Variants in PKP4 observed in about 807,000 individuals in gnomAD.
PKP4 encodes the protein plakophilin-4.
PKP4 carries 90 observed loss-of-function variants against 145.1 expected under a neutral mutation model. That is an observed-to-expected ratio of 0.62 (90% CI 0.52 to 0.74). The LOEUF is 0.74. Ranked by LOEUF, PKP4 falls within the 30% of genes least tolerant of loss-of-function variation. The pLI, the probability that PKP4 is intolerant of heterozygous loss-of-function variation, is 0.00. For missense variants in PKP4, 1,340 were observed against 1,482.7 expected (o/e 0.90, Z 1.58); for synonymous variants, 563 against 577.2 (o/e 0.98, Z 0.35).
intron 9 of PKP4, among the ~76,000 whole-genome samples, chr2:158,640,206 G>A (rs150946017): frequency 2.9e-4 from 44 of 152,266 alleles, no homozygotes; most frequent in African/African-American, 1.0e-3. Context: ...CTAGGCTGAC[G>A]CCAGCCCTGT....
At chr2:158,510,878 C>T (rs994765254) in intron 1 of PKP4, among the ~76,000 whole-genome samples, 5 of 152,232 alleles carry the variant, frequency 3.3e-5, no homozygotes, top group Non-Finnish European at 5.9e-5. Flanking sequence ...TCCAAATTTA[C>T]ACCTAGATTT....
At chr2:158,529,573 A>G (rs1559279377) in intron 1 of PKP4, among the ~76,000 whole-genome samples, 1 of 152,188 alleles carries the variant, frequency 6.6e-6, no homozygotes, top group Non-Finnish European at 1.5e-5. Context: ...TTATGTCCCA[A>G]GGAGCCTGAA....
intron 1 of PKP4, among the ~76,000 whole-genome samples, chr2:158,473,031 C>G (rs916069154): frequency 6.6e-6 from 1 of 152,248 alleles, no homozygotes; most frequent in African/African-American, 2.4e-5. Context: ...AAAGGACATC[C>G]ATGTGGTCAA....
chr2:158,491,649 CTT>C (rs1340676053), intron 1 of PKP4, among the ~76,000 whole-genome samples: 1 of 151,926 alleles, frequency 6.6e-6, no homozygotes, highest in African/African-American at 2.4e-5. Context: ...TGTCTGTAAA[CTT>C]TATTGAACAG....
At chr2:158,614,817 A>T (rs180999214) in intron 4 of PKP4, among the ~76,000 whole-genome samples, 1 of 152,166 alleles carries the variant, frequency 6.6e-6, no homozygotes, top group Non-Finnish European at 1.5e-5. Context: ...ATGTGCTACT[A>T]TCTAAAATAA....
intron 2 of PKP4, among the ~76,000 whole-genome samples, chr2:158,543,553 G>T (rs1392643318): frequency 6.6e-6 from 1 of 152,176 alleles, no homozygotes; most frequent in Non-Finnish European, 1.5e-5. Flanking sequence ...AGAAAAGTGT[G>T]TGCTCTGTAT....
At chr2:158,484,925 G>A (rs1474930631) in intron 1 of PKP4, among the ~76,000 whole-genome samples, 2 of 152,200 alleles carry the variant, frequency 1.3e-5, no homozygotes, top group South Asian at 2.1e-4. Context: ...AATGGTACAG[G>A]ATTTTGTTAC....
intron 2 of PKP4, among the ~76,000 whole-genome samples, chr2:158,564,801 T>C (rs1366822427): frequency 6.6e-6 from 1 of 152,250 alleles, no homozygotes; most frequent in Non-Finnish European, 1.5e-5. Flanking sequence ...TTGTTTTCTC[T>C]ACTTAACAAC....
chr2:158,644,970 C>A (rs2054689520), intron 11 of PKP4, among the ~76,000 whole-genome samples: 1 of 152,150 alleles, frequency 6.6e-6, no homozygotes, highest in Non-Finnish European at 1.5e-5. Context: ...CAGGTTTCCA[C>A]TGTGAAATCA....
chr2:158,677,073 A>C, intron 20 of PKP4: 2 of 621,558 alleles, frequency 3.2e-6, no homozygotes, highest in South Asian at 1.7e-5. Context: ...GTTTGTATGT[A>C]TGTATGTATG....
chr2:158,479,461 C>T (rs1360423000), intron 1 of PKP4, among the ~76,000 whole-genome samples: 3 of 152,076 alleles, frequency 2.0e-5, no homozygotes, highest in African/African-American at 4.8e-5. Context: ...TGGACTCAAG[C>T]GATCGGCCCG....
intron 11 of PKP4, among the ~76,000 whole-genome samples, chr2:158,646,021 G>C (rs2711070): frequency 0.45 from 67,835 of 152,028 alleles, 16,402 homozygotes; most frequent in South Asian, 0.66. Flanking sequence ...GATGTTTTAA[G>C]ACATGGACCT....
At chr2:158,673,635 C>G in intron 17 of PKP4, 42 bp from the exon 18 acceptor site, 1 of 1,415,790 alleles carries the variant, frequency 7.1e-7, no homozygotes, top group Non-Finnish European at 1.0e-6. Context: ...GGGGCTGAGG[C>G]TGTGTCACCC....
chr2:158,680,521 T>G lies in PKP4; in HGVS notation c.3423T>G (p.Asp1141Glu). The G allele has an allele frequency of 1.2e-6, 2 of 1,613,962 alleles. No individual in the cohort carries two copies. Among genetic ancestry groups the G allele is most frequent in the Non-Finnish European group, 1.7e-6 (2 of 1,179,824 alleles). The change falls in exon 22 of 22, where the codon GAT becomes GAG. Residue 1141 changes from aspartate to glutamate, a missense_variant. By Grantham distance (45) the Asp-to-Glu change is conservative. Transcript: ENST00000389759. ...TGCAGTCTCCTCATAGCTATGAAGA[T>G]CCTTATTTTGATGACCGAGTTCACT... ...LYLQSPHSYE[D>E]PYFDDRVHFP...
chr2:158,625,102 A>T lies in PKP4; in HGVS notation c.828A>T (p.Ser276=). 1 of 1,614,082 alleles carries T rather than the reference A, an allele frequency of 6.2e-7. No individual in the cohort carries two copies. The highest frequency in any genetic ancestry group is 8.5e-7 in the Non-Finnish European group (1 of 1,180,016). Residue 276 remains serine, a synonymous_variant, in exon 7 of 22, where the codon TCA becomes TCT. Coordinates refer to ENST00000389759, the MANE Select transcript of PKP4 (RefSeq NM_003628.6). Reference sequence around the variant, plus strand: ...CTGCACGGGCAGCCTCTCCGTACTCACAGAGACCCGCCTCCCCAACAGCTA... The same window carrying T: ...CTGCACGGGCAGCCTCTCCGTACTCTCAGAGACCCGCCTCCCCAACAGCTA... The part of the protein sequence containing the change: ...LPAARAASPY[S]QRPASPTAIR...
intron 1 of PKP4, among the ~76,000 whole-genome samples, chr2:158,505,050 C>A (rs190762669): frequency 5.1e-4 from 77 of 152,282 alleles, no homozygotes; most frequent in African/African-American, 1.8e-3. Context: ...ATTAAGAGTT[C>A]TTTTCCTGTT....
At chr2:158,523,740 T>C (rs1418832679) in intron 1 of PKP4, among the ~76,000 whole-genome samples, 1 of 114,718 alleles carries the variant, frequency 8.7e-6, no homozygotes. Flanking sequence ...TTGAAAAAAA[T>C]TTAGAAGAAT....
intron 3 of PKP4, among the ~76,000 whole-genome samples, chr2:158,581,592 A>G (rs2048336094): frequency 6.6e-6 from 1 of 152,192 alleles, no homozygotes; most frequent in Admixed American, 6.5e-5. Flanking sequence ...ATGCTGTGAT[A>G]AACAAACTGT....
Position 158,676,703 on chromosome 2 carries a change from A to G in PKP4, c.3128-36A>G, listed in dbSNP as rs371240460. On this transcript the variant is annotated intron_variant, in intron 19 of 21. Coordinates refer to ENST00000389759, the MANE Select transcript of PKP4 (RefSeq NM_003628.6). Reference sequence around the variant, plus strand: ...GATACTGATGCTGATTTCTCTTTCTACCCCTCTTTCTCTCCTCCTTTGCCT... The same window carrying G: ...GATACTGATGCTGATTTCTCTTTCTGCCCCTCTTTCTCTCCTCCTTTGCCT... 8.7e-6 allele frequency: 14 copies of G among 1,612,420 alleles called. No individual in the cohort carries two copies. The African/African-American group carries it at 1.9e-4, about 22-fold the overall frequency.
Sources: allele counts gnomAD v4.1 joint callset (sites outside exome capture counted in the v4.1 genomes callset), GRCh38; gene constraint gnomAD v4.1.1; transcripts MANE v1.5; gene names NCBI Gene and HGNC (gene_info 2026-07-23, HGNC 2026-07-21).